The following CLSTN2 variants were observed in gnomAD, a reference collection of about 807,000 sequenced individuals.
CLSTN2 encodes calsyntenin-2.
A neutral mutation model predicts 101.2 loss-of-function variants in CLSTN2; 48 were observed. The observed-to-expected ratio is 0.47, with a 90% CI of 0.38 to 0.60. The LOEUF is 0.60. CLSTN2 is among the 20% of genes least tolerant of loss of function. The probability of loss-of-function intolerance (pLI) is 0.00; values close to 1 mark genes in which losing one functional copy is unlikely to be tolerated. For synonymous variants in CLSTN2, 481 were observed against 463.6 expected (o/e 1.04, Z -0.48); for missense variants, 1,160 against 1,238.2 (o/e 0.94, Z 0.95).
intron 1 of CLSTN2, among the ~76,000 whole-genome samples, chr3:140,015,356 A>C (rs886309006): frequency 2.0e-5 from 3 of 152,168 alleles, no homozygotes; most frequent in African/African-American, 7.2e-5. Flanking sequence ...CCCCAACACT[A>C]TGATGATGAT....
In CLSTN2 at chr3:140,444,067, A is replaced by G. The variant is rs146136041; in HGVS notation, c.788-4452A>G. On this transcript the variant is annotated intron_variant, in intron 5 of 16. Coordinates refer to ENST00000458420, the MANE Select transcript of CLSTN2 (RefSeq NM_022131.3). ...TATCACTCTTTTAATTTTAAATATC[A>G]GCATAAATTGAACGTTAAACATGAA... 2.7e-3 allele frequency among the ~76,000 whole-genome samples: 415 copies of G among 152,300 alleles called. 3 individuals are homozygous for G. The highest frequency in any genetic ancestry group is 9.6e-3 in the African/African-American group (397 of 41,558).
intron 1 of CLSTN2, among the ~76,000 whole-genome samples, chr3:140,064,237 A>G (rs1448539623): frequency 1.3e-5 from 2 of 152,208 alleles, no homozygotes; most frequent in Non-Finnish European, 2.9e-5. Flanking sequence ...CAGTTATGCA[A>G]TCCCTTTTGC....
chr3:140,273,843 A>C (rs1205533913), intron 2 of CLSTN2, among the ~76,000 whole-genome samples: 1 of 152,164 alleles, frequency 6.6e-6, no homozygotes, highest in Non-Finnish European at 1.5e-5. Flanking sequence ...AGTTCATATC[A>C]CTACAAAGAA....
intron 2 of CLSTN2, among the ~76,000 whole-genome samples, chr3:140,239,239 G>C (rs1207471145): frequency 3.3e-5 from 5 of 152,082 alleles, no homozygotes; most frequent in African/African-American, 1.2e-4. Context: ...CAGACCTGCA[G>C]CTTGTTTTTG....
intron 8 of CLSTN2, among the ~76,000 whole-genome samples, chr3:140,530,420 G>A (rs977998902): frequency 2.6e-4 from 39 of 152,278 alleles, no homozygotes; most frequent in African/African-American, 6.7e-4. Flanking sequence ...TTTATGCTGC[G>A]CATCATGGGG....
intron 5 of CLSTN2, among the ~76,000 whole-genome samples, 189 bp downstream of exon 5, chr3:140,421,463 G>T (rs2088505242): frequency 6.6e-6 from 1 of 152,190 alleles, no homozygotes; most frequent in Non-Finnish European, 1.5e-5. Flanking sequence ...AGCTGAGAAT[G>T]TCGAAGACAT....
chr3:139,936,128 C>A (rs990335971), intron 1 of CLSTN2, among the ~76,000 whole-genome samples: 3 of 152,168 alleles, frequency 2.0e-5, no homozygotes, highest in African/African-American at 7.2e-5. Context: ...TGGCACCACT[C>A]CCCTGCCCAC....
At chr3:140,080,268 A>G (rs2008574199) in intron 1 of CLSTN2, among the ~76,000 whole-genome samples, 2 of 152,080 alleles carry the variant, frequency 1.3e-5, no homozygotes, top group Non-Finnish European at 2.9e-5. Flanking sequence ...CACATAACTC[A>G]TTGCAGTGTG....
chr3:140,237,338 T>C (rs2086426939), intron 2 of CLSTN2, among the ~76,000 whole-genome samples: 1 of 152,180 alleles, frequency 6.6e-6, no homozygotes, highest in Non-Finnish European at 1.5e-5. Flanking sequence ...AGACAAACTA[T>C]CTGTAGCACT....
At chr3:140,128,497 A>AG (rs1159360283) in intron 1 of CLSTN2, among the ~76,000 whole-genome samples, 9 of 152,172 alleles carry the variant, frequency 5.9e-5, no homozygotes, top group Admixed American at 5.9e-4. Context: ...ATAAACTACA[A>AG]GGGGTAGTGT....
chr3:140,182,394 G>A (rs2010422027), intron 2 of CLSTN2, among the ~76,000 whole-genome samples: 1 of 152,108 alleles, frequency 6.6e-6, no homozygotes, highest in Admixed American at 6.5e-5. Flanking sequence ...GGGATATTGG[G>A]GAATAACCAC....
At chr3:139,983,988 TTTCTTTCA>T (rs1935980687) in intron 1 of CLSTN2, among the ~76,000 whole-genome samples, 2 of 152,364 alleles carry the variant, frequency 1.3e-5, no homozygotes, top group South Asian at 4.1e-4. Context: ...CTTACATTTC[TTTCTTTCA>T]TTCTTCATTC....
At chr3:140,083,123 A>G (rs891525895) in intron 1 of CLSTN2, among the ~76,000 whole-genome samples, 2 of 152,164 alleles carry the variant, frequency 1.3e-5, no homozygotes, top group Admixed American at 6.5e-5. Context: ...ATAAGAACTC[A>G]TGGCTTCTTG....
At chr3:140,277,732 G>GT (rs1421322249) in intron 2 of CLSTN2, among the ~76,000 whole-genome samples, 2 of 152,162 alleles carry the variant, frequency 1.3e-5, no homozygotes, top group Non-Finnish European at 2.9e-5. Context: ...AGGAGAGACA[G>GT]TGGAGGAGAT....
At chr3:139,982,748 T>A (rs1486099813) in intron 1 of CLSTN2, among the ~76,000 whole-genome samples, 1 of 152,154 alleles carries the variant, frequency 6.6e-6, no homozygotes, top group African/African-American at 2.4e-5. Flanking sequence ...AATGTGCATG[T>A]AACCTGAATA....
At chr3:140,562,021 T>C in intron 12 of CLSTN2, 117 bp from the exon 13 acceptor site, 1 of 829,828 alleles carries the variant, frequency 1.2e-6, no homozygotes, top group South Asian at 1.7e-5. Flanking sequence ...TCACACAGAC[T>C]CTGCTCCTGA....
At chr3:140,309,767 T>C (rs1208392465) in intron 2 of CLSTN2, among the ~76,000 whole-genome samples, 1 of 152,132 alleles carries the variant, frequency 6.6e-6, no homozygotes, top group East Asian at 1.9e-4. Context: ...TCTCCTTCCC[T>C]ATTCTGTGGG....
intron 2 of CLSTN2, among the ~76,000 whole-genome samples, chr3:140,369,390 G>C (rs747594148): frequency 1.3e-5 from 2 of 152,188 alleles, no homozygotes; most frequent in Non-Finnish European, 2.9e-5. Context: ...GCAGGCAACA[G>C]AGGGAGGCCA....
intron 1 of CLSTN2, among the ~76,000 whole-genome samples, chr3:139,983,775 G>T (rs1576386219): frequency 6.6e-6 from 1 of 152,106 alleles, no homozygotes; most frequent in African/African-American, 2.4e-5. Flanking sequence ...AGGAGATATT[G>T]TATATCTTGT....
Sources: gnomAD v4.1 joint callset for allele counts (sites outside exome capture counted in the v4.1 genomes callset) on GRCh38, gnomAD v4.1.1 for gene constraint, MANE v1.5 for transcripts, NCBI Gene and HGNC (gene_info 2026-07-23, HGNC 2026-07-21) for gene names.